Variants in TSPAN5 observed in about 807,000 individuals in gnomAD.
TSPAN5 encodes the protein tetraspanin 5.
TSPAN5 carries 10 observed loss-of-function variants against 37.1 expected under a neutral mutation model. The ratio of observed to expected loss-of-function variants is 0.27; its 90% CI spans 0.17 to 0.46. The LOEUF (loss-of-function observed/expected upper bound fraction) is 0.46. TSPAN5 is among the 20% of genes least tolerant of loss of function. TSPAN5 has a pLI of 1.00. For synonymous variants in TSPAN5, 110 were observed against 118.9 expected (o/e 0.93, Z 0.48); for missense variants, 195 against 326.6 (o/e 0.60, Z 3.11).
chr4:98,591,051 A>G (rs1314945239), intron 1 of TSPAN5, among the ~76,000 whole-genome samples: 1 of 150,954 alleles, frequency 6.6e-6, no homozygotes, highest in Non-Finnish European at 1.5e-5. Flanking sequence ...TTGCCCTGCC[A>G]TGCTTTTCCT....
chr4:98,567,354 G>A (rs1025356088), intron 1 of TSPAN5, among the ~76,000 whole-genome samples: 1 of 152,224 alleles, frequency 6.6e-6, no homozygotes, highest in Non-Finnish European at 1.5e-5. Flanking sequence ...AAATGTTCCT[G>A]TGGAACTCTT....
At chr4:98,597,499 G>A (rs1755770704) in intron 1 of TSPAN5, among the ~76,000 whole-genome samples, 1 of 42,730 alleles carries the variant, frequency 2.3e-5, no homozygotes, top group Non-Finnish European at 3.7e-5. Context: ...TTCCTTTGGA[G>A]GAGGAGAGGC....
chr4:98,579,125 G>A (rs1214283317), intron 1 of TSPAN5, among the ~76,000 whole-genome samples: 10 of 152,044 alleles, frequency 6.6e-5, no homozygotes, highest in East Asian at 3.9e-4. Flanking sequence ...GGTGCTACCC[G>A]TACACCTCCA....
chr4:98,640,482 T>C (rs1443399890), intron 1 of TSPAN5, among the ~76,000 whole-genome samples: 1 of 152,120 alleles, frequency 6.6e-6, no homozygotes, highest in Non-Finnish European at 1.5e-5. Flanking sequence ...AAATGATCCC[T>C]GAGGTAAGAC....
chr4:98,588,389 G>A (rs1199017038), intron 1 of TSPAN5, among the ~76,000 whole-genome samples: 1 of 148,048 alleles, frequency 6.8e-6, no homozygotes, highest in Admixed American at 6.7e-5. Flanking sequence ...GTTAACTTCG[G>A]TTCAAAAAAA....
At chr4:98,628,278 G>GA (rs894509906) in intron 1 of TSPAN5, among the ~76,000 whole-genome samples, 4 of 150,736 alleles carry the variant, frequency 2.7e-5, no homozygotes, top group African/African-American at 4.9e-5. Flanking sequence ...TTTAAATACA[G>GA]AAAAAAAAAT....
chr4:98,545,481 C>T (rs2110147055), intron 1 of TSPAN5, among the ~76,000 whole-genome samples: 1 of 152,178 alleles, frequency 6.6e-6, no homozygotes. Flanking sequence ...TTCATTTAAC[C>T]ACACTGCTTA....
chr4:98,473,710 C>T (rs886474870), intron 7 of TSPAN5, among the ~76,000 whole-genome samples: 16 of 152,174 alleles, frequency 1.1e-4, no homozygotes, highest in East Asian at 1.9e-4. Flanking sequence ...CCACCCGCCT[C>T]GGCCTTTATT....
intron 1 of TSPAN5, among the ~76,000 whole-genome samples, chr4:98,572,076 T>C (rs1201922826): frequency 4.6e-5 from 7 of 152,204 alleles, no homozygotes; most frequent in African/African-American, 1.4e-4. Flanking sequence ...CGGGTTCAAG[T>C]GATTCTCATG....
At chr4:98,608,093 C>G (rs1167928634) in intron 1 of TSPAN5, among the ~76,000 whole-genome samples, 1 of 152,122 alleles carries the variant, frequency 6.6e-6, no homozygotes, top group Non-Finnish European at 1.5e-5. Context: ...AATGTTAGAA[C>G]CCTATTCGTT....
At chr4:98,627,728 T>G (rs1756640945) in intron 1 of TSPAN5, among the ~76,000 whole-genome samples, 1 of 152,226 alleles carries the variant, frequency 6.6e-6, no homozygotes, top group South Asian at 2.1e-4. Flanking sequence ...CTCTTCTCCC[T>G]ACAGAGTAGA....
In TSPAN5 at chr4:98,608,566, G is replaced by T. The variant is rs373369207; in HGVS notation, c.81+49580C>A. ...ATCCCAACCCTGGCAGGTGGCAGCG[G>T]AAGAACGAGGCCCAGGTCACCTGAC... is the stretch of plus-strand genomic sequence containing the variant. On this transcript the variant is annotated intron_variant, in intron 1 of 7. Transcript: ENST00000305798. 2.6e-4 allele frequency among the ~76,000 whole-genome samples: 40 copies of T among 152,244 alleles called. 1 individual carries two copies. In the South Asian group the frequency reaches 6.4e-3, roughly 24 times the overall value.
At chr4:98,535,930 G>A (rs1034491441) in intron 1 of TSPAN5, among the ~76,000 whole-genome samples, 3 of 152,024 alleles carry the variant, frequency 2.0e-5, no homozygotes, top group Non-Finnish European at 2.9e-5. Flanking sequence ...TTAGCAATTC[G>A]TCTAACCTTT....
chr4:98,509,675 T>C (rs1311985719), intron 1 of TSPAN5: 1 of 152,222 alleles, frequency 6.6e-6, no homozygotes, highest in African/African-American at 2.4e-5. Flanking sequence ...TGCTCAGCCC[T>C]GGTCAGAGAG....
chr4:98,490,037 G>A (rs979531150), intron 2 of TSPAN5, among the ~76,000 whole-genome samples: 1 of 152,196 alleles, frequency 6.6e-6, no homozygotes, highest in African/African-American at 2.4e-5. Flanking sequence ...GATTCCCAAA[G>A]TGGATGGGAA....
chr4:98,622,728 A>T (rs1411008513), intron 1 of TSPAN5, among the ~76,000 whole-genome samples: 2 of 152,220 alleles, frequency 1.3e-5, no homozygotes, highest in Non-Finnish European at 2.9e-5. Flanking sequence ...GAGGTCAGTC[A>T]GCTCTGGAGT....
intron 1 of TSPAN5, among the ~76,000 whole-genome samples, chr4:98,515,044 C>T (rs900080272): frequency 2.6e-5 from 4 of 152,026 alleles, no homozygotes; most frequent in African/African-American, 9.7e-5. Flanking sequence ...GACATATAAG[C>T]AAAAACACAA....
At chr4:98,513,428 A>G (rs1753657197) in intron 1 of TSPAN5, among the ~76,000 whole-genome samples, 1 of 152,144 alleles carries the variant, frequency 6.6e-6, no homozygotes, top group Non-Finnish European at 1.5e-5. Flanking sequence ...GTGCATCTAC[A>G]GTGATCAAAA....
intron 1 of TSPAN5, among the ~76,000 whole-genome samples, chr4:98,549,307 T>TGG (rs200119832): frequency 0.61 from 89,903 of 146,296 alleles, 27,388 homozygotes; most frequent in South Asian, 0.76. Flanking sequence ...TTTTTGTTTT[T>TGG]TTTTGTTTTT....
Sources: gnomAD v4.1 joint callset for allele counts (sites outside exome capture counted in the v4.1 genomes callset) on GRCh38, gnomAD v4.1.1 for gene constraint, MANE v1.5 for transcripts, NCBI Gene and HGNC (gene_info 2026-07-23, HGNC 2026-07-21) for gene names.